CD4: variants seen among roughly 807,000 people sequenced by gnomAD.
CD4 encodes the protein CD4 molecule, also known as T-cell surface glycoprotein CD4.
CD4 carries 25 observed loss-of-function variants against 50.5 expected under a neutral mutation model. That is an observed-to-expected ratio of 0.49 (90% CI 0.36 to 0.69). CD4 has a LOEUF of 0.69. CD4 is among the 30% of genes least tolerant of loss of function. The pLI, the probability that CD4 is intolerant of heterozygous loss-of-function variation, is 0.00. For missense variants in CD4, 456 were observed against 548.5 expected (o/e 0.83, Z 1.68); for synonymous variants, 207 against 221.9 (o/e 0.93, Z 0.60).
At position 6,819,542 on chromosome 12, in the gene CD4, C is replaced by T. The variant is rs199857555; in HGVS notation, c.*213C>T. ...AGAGGCTTAATCACACCGTCCTCCA[C>T]GCCATTTCCTTTTCCTTCAAGCCTA... On this transcript the variant is annotated 3_prime_UTR_variant, in exon 10 of 10. Coordinates refer to ENST00000011653, the MANE Select transcript of CD4 (RefSeq NM_000616.5). The T allele has an allele frequency of 9.7e-5, 58 of 595,130 alleles. No individual in the cohort carries two copies. The highest frequency in any genetic ancestry group is 4.7e-4 in the Admixed American group (16 of 33,826). The allele number at this position is 595,130 out of a possible 1,614,324, so 36.9% of individuals were successfully genotyped here.
At chr12:6,810,979 G>T (rs1942919290) in intron 3 of CD4, among the ~76,000 whole-genome samples, 1 of 152,160 alleles carries the variant, frequency 6.6e-6, no homozygotes, top group Non-Finnish European at 1.5e-5. Flanking sequence ...TGCTGAGGCT[G>T]TGAGGTTGTC....
At position 6,795,955 on chromosome 12, in the gene CD4, T is replaced by G. The variant is rs144591582; in HGVS notation, c.-67-4117T>G. ...AGTGGCTGGCAGGGCCCCGTGGGGA[T>G]GAACAGCTTGGATTGGGGCGACTGG... On this transcript the variant is annotated intron_variant, in intron 1 of 9. Transcript: ENST00000011653. Among the ~76,000 whole-genome samples the G allele has an allele frequency of 3.1e-3, 477 of 152,256 alleles. 4 individuals are homozygous for G. The highest frequency in any genetic ancestry group is 0.011 in the African/African-American group (443 of 41,550).
chr12:6,797,629 G>A (rs1209301647), intron 1 of CD4, among the ~76,000 whole-genome samples: 10 of 152,102 alleles, frequency 6.6e-5, no homozygotes, highest in African/African-American at 2.4e-4. Context: ...GGGGCTATAG[G>A]GTGAAGGTGA....
intron 3 of CD4, among the ~76,000 whole-genome samples, chr12:6,812,769 TTTTGTG>T (rs782665086): frequency 0.071 from 2,287 of 32,306 alleles, 53 homozygotes; most frequent in African/African-American, 0.19. Context: ...CCAAGGTTAT[TTTTGTG>T]TGTGTGTGTG....
At chr12:6,795,974 C>T (rs771691839) in intron 1 of CD4, among the ~76,000 whole-genome samples, 27 of 152,162 alleles carry the variant, frequency 1.8e-4, no homozygotes, top group African/African-American at 4.8e-4. Context: ...TGGATTGGGG[C>T]GACTGGGCTT....
In CD4 at chr12:6,814,252, T is replaced by G; in HGVS notation, c.325T>G (p.Cys109Gly). ...LKIEDSDTYI[C>G]EVEDQKEEVQ... ...GATAGAAGACTCAGATACTTACATC[T>G]GTGAAGTGGAGGACCAGAAGGAGGA... is the stretch of plus-strand genomic sequence containing the variant. The change falls in exon 4 of 10, where the codon TGT (cysteine) becomes GGT (glycine). Residue 109 changes from cysteine (C) to glycine (G), a missense_variant. Cys to Gly is a radical substitution (Grantham distance 159). Coordinates refer to ENST00000011653, the MANE Select transcript of CD4 (RefSeq NM_000616.5). 2 of 1,614,122 alleles carry G rather than the reference T, an allele frequency of 1.2e-6. No homozygotes were observed. The highest frequency in any genetic ancestry group is 1.7e-6 in the Non-Finnish European group (2 of 1,180,002).
intron 1 of CD4, among the ~76,000 whole-genome samples, chr12:6,797,692 T>C (rs1024979684): frequency 9.9e-5 from 15 of 152,078 alleles, no homozygotes; most frequent in African/African-American, 3.1e-4. Flanking sequence ...CATAAATAAG[T>C]TTAAGGAAAG....
At chr12:6,790,737 T>C (rs550783433) in intron 1 of CD4, among the ~76,000 whole-genome samples, 65 of 152,314 alleles carry the variant, frequency 4.3e-4, no homozygotes, top group African/African-American at 1.5e-3. Flanking sequence ...ATCCCCAGTG[T>C]CCTCTGCTTT....
chr12:6,809,533 G>T (rs1168431733), intron 3 of CD4, among the ~76,000 whole-genome samples: 1 of 151,654 alleles, frequency 6.6e-6, no homozygotes, highest in African/African-American at 2.4e-5. Context: ...CCTCTTCTTT[G>T]TTCCCATGGG....
chr12:6,795,691 A>G (rs1335267920), intron 1 of CD4, among the ~76,000 whole-genome samples: 1 of 152,258 alleles, frequency 6.6e-6, no homozygotes, highest in African/African-American at 2.4e-5. Context: ...GGGCCACCCC[A>G]CAGAAGCTGT....
intron 1 of CD4, among the ~76,000 whole-genome samples, chr12:6,798,729 C>T (rs569085969): frequency 2.7e-4 from 41 of 152,372 alleles, no homozygotes; most frequent in Non-Finnish European, 4.1e-4. Flanking sequence ...CACCTTAGAA[C>T]TGTCCCACAC....
In CD4 at chr12:6,792,768, G is replaced by A. The variant is rs1464641460; in HGVS notation, c.-68+3106G>A. 2.0e-5 allele frequency among the ~76,000 whole-genome samples: 3 copies of A among 152,208 alleles called. No individual in the cohort carries two copies. The highest frequency in any genetic ancestry group is 4.8e-5 in the African/African-American group (2 of 41,456). On this transcript the variant is annotated intron_variant, in intron 1 of 9. Coordinates refer to ENST00000011653, the MANE Select transcript of CD4 (RefSeq NM_000616.5). The surrounding 1 kb of genome is among the most constrained non-coding windows in gnomAD (Gnocchi z 4.1). ...GAGCTAGAGCTTAGTGGCAGCCTGA[G>A]AGGGGAAGCTGAAAAAGGAGAAGAG...
rs782355466 is a variant in CD4 at position 6,816,069 on chromosome 12, C to A, written c.621C>A (p.Ala207=). The change falls in exon 6 of 10, where the codon GCC becomes GCA. Residue 207 remains alanine (A), a synonymous_variant. Transcript: ENST00000011653. The surrounding 1 kb of genome is among the most constrained non-coding windows in gnomAD (Gnocchi z 4.9). The stretch of plus-strand genomic sequence containing the variant: ...TCCCACCTCCAGCTTTCCAGAAGGC[C>A]TCCAGCATAGTCTATAAGAAAGAGG... The part of the protein sequence containing the change: ...IDIVVLAFQK[A]SSIVYKKEGE... 6.2e-7 allele frequency: 1 copy of A among 1,614,114 alleles called. No individual in the cohort carries two copies. Among genetic ancestry groups the A allele is most frequent in the East Asian group, 2.2e-5 (1 of 44,884 alleles).
At chr12:6,813,196 T>G (rs1329197548) in intron 3 of CD4, among the ~76,000 whole-genome samples, 1 of 151,084 alleles carries the variant, frequency 6.6e-6, no homozygotes, top group South Asian at 2.1e-4. Flanking sequence ...CACCTCAGCC[T>G]CCCAAGGCGG....
intron 3 of CD4, among the ~76,000 whole-genome samples, chr12:6,811,807 GGCCA>G (rs1565497898): frequency 6.7e-6 from 1 of 149,248 alleles, no homozygotes; most frequent in Non-Finnish European, 1.5e-5. Flanking sequence ...CACCGCACCC[GGCCA>G]AAAATTTCTT....
chr12:6,793,443 C>A lies in CD4; in HGVS notation c.-68+3781C>A, dbSNP rs369934972. Among the ~76,000 whole-genome samples the A allele has an allele frequency of 2.0e-5, 3 of 152,264 alleles. No individual in the cohort carries two copies. In the East Asian group the frequency reaches 5.8e-4, roughly 29 times the overall value. On this transcript the variant is annotated intron_variant, in intron 1 of 9. Transcript: ENST00000011653. The stretch of plus-strand genomic sequence containing the variant: ...GACCCAGTCAGTCTGGGATGGGGGA[C>A]AGTGGGAACCACTCTTTGGTATGAG...
chr12:6,795,136 C>CTATCTATA lies in CD4; in HGVS notation c.-67-4934_-67-4933insTCTATATA, dbSNP rs1172987207. On this transcript the variant is annotated intron_variant, in intron 1 of 9. Coordinates refer to ENST00000011653, the MANE Select transcript of CD4 (RefSeq NM_000616.5). Reference sequence around the variant, plus strand: ...TCTATCTATCTATCTATCTATCTATCTAATCTATCTTTCTGTCTAACCTAA... The same window carrying CTATCTATA: ...TCTATCTATCTATCTATCTATCTATCTATCTATATAATCTATCTTTCTGTCTAACCTAA... Among the ~76,000 whole-genome samples, 152 of 151,968 alleles carry CTATCTATA rather than the reference C, an allele frequency of 1.0e-3. 1 individual carries two copies. Among genetic ancestry groups the CTATCTATA allele is most frequent in the African/African-American group, 3.5e-3 (144 of 41,412 alleles).
At chr12:6,807,852 G>A (rs1289492730) in intron 3 of CD4, among the ~76,000 whole-genome samples, 4 of 151,986 alleles carry the variant, frequency 2.6e-5, no homozygotes, top group South Asian at 2.1e-4. Context: ...AGGCTGAGAC[G>A]GGTGGATGGC....
intron 5 of CD4, chr12:6,815,675 A>G: frequency 1.6e-6 from 2 of 1,259,164 alleles, no homozygotes; most frequent in Non-Finnish European, 2.1e-6. Context: ...AGGCACTGAA[A>G]ATGGTGCCTG....
Sources: allele counts gnomAD v4.1 joint callset (sites outside exome capture counted in the v4.1 genomes callset), GRCh38; gene constraint gnomAD v4.1.1; non-coding constraint Gnocchi (gnomAD v3.1); transcripts MANE v1.5; gene names NCBI Gene and HGNC (gene_info 2026-07-23, HGNC 2026-07-21).